The following WDFY4 variants were observed in gnomAD, a reference collection of about 807,000 sequenced individuals.
WDFY4 encodes the protein WDFY family member 4, also known as WD repeat- and FYVE domain-containing protein 4.
A neutral mutation model predicts 351.9 loss-of-function variants in WDFY4; 169 were observed. The observed-to-expected ratio is 0.48, with a 90% CI of 0.42 to 0.55. The LOEUF (loss-of-function observed/expected upper bound fraction) is 0.55, where lower values mean the gene tolerates loss of function less well. WDFY4 is among the 20% of genes least tolerant of loss of function. The pLI, the probability that WDFY4 is intolerant of heterozygous loss-of-function variation, is 0.00. For missense variants in WDFY4, 3,803 were observed against 3,935.6 expected (o/e 0.97, Z 0.90); for synonymous variants, 1,622 against 1,574.6 (o/e 1.03, Z -0.71).
intron 1 of WDFY4, among the ~76,000 whole-genome samples, chr10:48,685,379 G>C (rs1430785974): frequency 6.6e-6 from 1 of 152,316 alleles, no homozygotes; most frequent in East Asian, 1.9e-4. Flanking sequence ...CCTGGTTGTC[G>C]AGGGGGCGGA....
At chr10:48,870,311 G>A (rs1184627175) in intron 40 of WDFY4, among the ~76,000 whole-genome samples, 1 of 152,182 alleles carries the variant, frequency 6.6e-6, no homozygotes, top group Non-Finnish European at 1.5e-5. Flanking sequence ...TTGGGCAGTA[G>A]GATTGTTTGA....
chr10:48,828,794 G>C lies in WDFY4; in HGVS notation c.6238G>C (p.Gly2080Arg). The change falls in exon 37 of 62, where the codon GGA (glycine) becomes CGA (arginine). Residue 2080 changes from glycine to arginine, a missense_variant. Around this residue, in one of 3 missense-constraint regions of WDFY4, gnomAD observed 3,054 missense variants for 3,148.6 expected, o/e 0.97. Coordinates refer to ENST00000325239, the MANE Select transcript of WDFY4 (RefSeq NM_001394531.1). ...LNERSYPEGF[G>R]LEPKPRMSTY... is the part of the protein sequence containing the mutation. ...ATCCACTAGTTACCCAGAAGGATTT[G>C]GATTGGAGCCCAAGCCTAGAATGTC... is the stretch of plus-strand genomic sequence containing the variant. 6.5e-7 allele frequency: 1 copy of C among 1,547,566 alleles called. No individual in the cohort carries two copies. The highest frequency in any genetic ancestry group is 8.7e-7 in the Non-Finnish European group (1 of 1,145,168).
chr10:48,923,504 A>ATG (rs1839290460), intron 47 of WDFY4, among the ~76,000 whole-genome samples: 1 of 140,926 alleles, frequency 7.1e-6, no homozygotes, highest in African/African-American at 2.5e-5. Flanking sequence ...TAGTATATAT[A>ATG]TATATATATG....
At chr10:48,720,281 G>A (rs1234665660) in intron 3 of WDFY4, among the ~76,000 whole-genome samples, 156 bp downstream of exon 3, 1 of 152,204 alleles carries the variant, frequency 6.6e-6, no homozygotes, top group Non-Finnish European at 1.5e-5. Context: ...GTGCCTTAGG[G>A]ACCAAGGGAA....
intron 1 of WDFY4, among the ~76,000 whole-genome samples, chr10:48,696,886 T>C (rs974936630): frequency 6.6e-6 from 1 of 152,260 alleles, no homozygotes; most frequent in African/African-American, 2.4e-5. Flanking sequence ...GCAAGGACGA[T>C]ATTGTTCCCA....
chr10:48,924,803 G>T (rs1358375107), intron 47 of WDFY4, among the ~76,000 whole-genome samples: 1 of 152,220 alleles, frequency 6.6e-6, no homozygotes, highest in Non-Finnish European at 1.5e-5. Flanking sequence ...ATTTCCAGTT[G>T]TAAGACCCTT....
intron 19 of WDFY4, among the ~76,000 whole-genome samples, chr10:48,783,343 A>G (rs1466669591): frequency 6.6e-6 from 1 of 152,040 alleles, no homozygotes. Flanking sequence ...TTTTATTTGT[A>G]TTTTTTATTG....
chr10:48,812,424 A>G (rs192676563), intron 30 of WDFY4, among the ~76,000 whole-genome samples: 1 of 152,166 alleles, frequency 6.6e-6, no homozygotes, highest in Admixed American at 6.5e-5. Flanking sequence ...TCCTGACCTC[A>G]GGTGATCCAC....
chr10:48,696,138 C>A (rs75236254), intron 1 of WDFY4, among the ~76,000 whole-genome samples: 3,314 of 152,254 alleles, frequency 0.022, 122 homozygotes, highest in African/African-American at 0.076. Flanking sequence ...GGCCCTGGGC[C>A]CTGCCATTCT....
At chr10:48,934,103 C>A (rs944808056) in intron 47 of WDFY4, among the ~76,000 whole-genome samples, 4 of 152,184 alleles carry the variant, frequency 2.6e-5, no homozygotes, top group African/African-American at 9.7e-5. Context: ...CCTGTCACAG[C>A]CCTGTCCTCC....
intron 44 of WDFY4, among the ~76,000 whole-genome samples, chr10:48,896,222 G>A (rs1378526874): frequency 1.3e-5 from 2 of 152,226 alleles, no homozygotes; most frequent in Admixed American, 6.5e-5. Context: ...TGCCGCCAAG[G>A]GGCAAAGGAT....
intron 53 of WDFY4, among the ~76,000 whole-genome samples, chr10:48,961,675 A>C (rs1841866578): frequency 1.3e-5 from 2 of 152,340 alleles, no homozygotes; most frequent in South Asian, 4.1e-4. Context: ...GTCACTGAGG[A>C]TGATGGCAGA....
At chr10:48,897,332 C>T (rs1837132742) in intron 44 of WDFY4, 122 bp from the exon 45 acceptor site, 1 of 1,387,526 alleles carries the variant, frequency 7.2e-7, no homozygotes, top group South Asian at 1.4e-5. Context: ...GACCACCGCA[C>T]TTCTCTGATG....
intron 23 of WDFY4, among the ~76,000 whole-genome samples, chr10:48,793,637 TG>T (rs1255084009): frequency 6.6e-6 from 1 of 152,210 alleles, no homozygotes; most frequent in African/African-American, 2.4e-5. Flanking sequence ...GCCACGTTTG[TG>T]TCTGTTTCAC....
intron 31 of WDFY4, among the ~76,000 whole-genome samples, chr10:48,814,930 A>G (rs2067571904): frequency 1.3e-5 from 2 of 152,022 alleles, no homozygotes; most frequent in Admixed American, 1.3e-4. Context: ...ATATTTGTGG[A>G]CCTCTTCTCA....
chr10:48,962,084 G>A (rs965413840), intron 53 of WDFY4, among the ~76,000 whole-genome samples: 8 of 152,192 alleles, frequency 5.3e-5, no homozygotes, highest in Non-Finnish European at 1.0e-4. Flanking sequence ...AAGAAGAAGG[G>A]CCAGCAGAAG....
chr10:48,842,608 T>A (rs1589734235), intron 39 of WDFY4, among the ~76,000 whole-genome samples: 1 of 152,218 alleles, frequency 6.6e-6, no homozygotes, highest in East Asian at 1.9e-4. Flanking sequence ...TTAAACCGGA[T>A]GATGCTGATC....
In WDFY4 at chr10:48,877,168, T is replaced by C; in HGVS notation, c.7136T>C (p.Val2379Ala). The change falls in exon 43 of 62, where the codon GTT becomes GCT. Residue 2379 changes from valine to alanine, a missense_variant. Physicochemically the swap from Val to Ala is moderately conservative, Grantham distance 64. This residue lies in a region of WDFY4 where 3,054 missense variants were observed against 3,148.6 expected (regional missense o/e 0.97). Coordinates refer to ENST00000325239, the MANE Select transcript of WDFY4 (RefSeq NM_001394531.1). ...TTGGAACTGTGTCGGGAAAGACAAG[T>C]TATTTTACAAGAGCTTCTTGATAAA... Reference protein sequence around the residue: ...DFLELCRERQVILQELLDKEK... With the variant: ...DFLELCRERQAILQELLDKEK... 6.4e-7 allele frequency: 1 copy of C among 1,551,632 alleles called. No individual in the cohort carries two copies. Among genetic ancestry groups the C allele is most frequent in the Non-Finnish European group, 8.7e-7 (1 of 1,146,942 alleles).
intron 12 of WDFY4, among the ~76,000 whole-genome samples, chr10:48,755,997 G>A (rs1462327327): frequency 6.6e-6 from 1 of 152,026 alleles, no homozygotes; most frequent in Non-Finnish European, 1.5e-5. Context: ...TTTGTAAAAT[G>A]AATTGGGAAG....
Sources: gnomAD v4.1 joint callset for allele counts (sites outside exome capture counted in the v4.1 genomes callset) on GRCh38, gnomAD v4.1.1 for gene constraint, gnomAD v4.1.1 regional missense constraint, MANE v1.5 for transcripts, NCBI Gene and HGNC (gene_info 2026-07-23, HGNC 2026-07-21) for gene names.